The following SHTN1 variants were observed in gnomAD, a reference collection of about 807,000 sequenced individuals.
SHTN1 encodes the protein shootin 1.
Under a neutral mutation model 83.1 loss-of-function variants are expected in SHTN1, and 42 were observed. The ratio of observed to expected loss-of-function variants is 0.51; its 90% confidence interval spans 0.39 to 0.65. The LOEUF (loss-of-function observed/expected upper bound fraction) is 0.65. Among genes scored for constraint, SHTN1 ranks in the 30% least tolerant of loss-of-function variants. SHTN1 has a pLI of 0.00. For missense variants in SHTN1, 622 were observed against 737.8 expected (o/e 0.84, Z 1.82); for synonymous variants, 224 against 247.7 (o/e 0.90, Z 0.90).
At chr10:117,113,567 TACTAGGTA>T (rs62772560) in intron 1 of SHTN1, among the ~76,000 whole-genome samples, 97,865 of 151,402 alleles carry the variant, frequency 0.65, 35,615 homozygotes, top group Middle Eastern at 0.83. Flanking sequence ...TTTTCTACTT[TACTAGGTA>T]ACCATATGCG....
chr10:116,976,346 A>G (rs1850806177), intron 2 of SHTN1, among the ~76,000 whole-genome samples: 1 of 152,210 alleles, frequency 6.6e-6, no homozygotes, highest in Non-Finnish European at 1.5e-5. Flanking sequence ...AAGGAATCAC[A>G]TCCACCGCCG....
At chr10:116,934,195 T>C (rs1330078105) in intron 9 of SHTN1, among the ~76,000 whole-genome samples, 2 of 152,226 alleles carry the variant, frequency 1.3e-5, no homozygotes, top group African/African-American at 2.4e-5. Flanking sequence ...ATTTTGGCTT[T>C]TGTTGCCATT....
chr10:116,931,083 T>C (rs1269130204), intron 9 of SHTN1, among the ~76,000 whole-genome samples: 1 of 150,982 alleles, frequency 6.6e-6, no homozygotes, highest in Non-Finnish European at 1.5e-5. Flanking sequence ...TCAGGTAATA[T>C]TTTAAAAGAC....
At chr10:117,048,355 A>C (rs1735273714) in intron 2 of SHTN1, 1 of 365,672 alleles carries the variant, frequency 2.7e-6, no homozygotes, top group Non-Finnish European at 3.8e-6. Context: ...AGAGAATATA[A>C]CTATGATTAA....
intron 1 of SHTN1, among the ~76,000 whole-genome samples, chr10:117,048,745 T>A (rs952463765): frequency 6.6e-6 from 1 of 152,198 alleles, no homozygotes; most frequent in Non-Finnish European, 1.5e-5. Flanking sequence ...AAAGTAGACA[T>A]TCTTTACTGT....
At chr10:117,024,995 G>A (rs576501880) in intron 2 of SHTN1, among the ~76,000 whole-genome samples, 1 of 152,136 alleles carries the variant, frequency 6.6e-6, no homozygotes, top group Non-Finnish European at 1.5e-5. Flanking sequence ...TGCAAGACCT[G>A]GGACTCGGAT....
At chr10:116,977,760 A>C (rs2133477817) in intron 2 of SHTN1, among the ~76,000 whole-genome samples, 1 of 151,978 alleles carries the variant, frequency 6.6e-6, no homozygotes, top group Middle Eastern at 3.4e-3. Context: ...CTGCAGCTTC[A>C]ACCTTTAGGG....
intron 1 of SHTN1, among the ~76,000 whole-genome samples, chr10:116,981,533 T>C (rs1406210268): frequency 2.6e-5 from 4 of 152,170 alleles, no homozygotes; most frequent in Non-Finnish European, 5.9e-5. Context: ...CTAAAAATAT[T>C]CACTTACACC....
At chr10:117,065,095 G>A (rs927977550) in intron 1 of SHTN1, among the ~76,000 whole-genome samples, 3 of 152,142 alleles carry the variant, frequency 2.0e-5, no homozygotes, top group African/African-American at 4.8e-5. Flanking sequence ...TCATAAGTGG[G>A]AGTTGAACAA....
chr10:117,068,464 G>A (rs11197881), intron 1 of SHTN1, among the ~76,000 whole-genome samples: 249 of 152,192 alleles, frequency 1.6e-3, no homozygotes, highest in Admixed American at 3.1e-3. Flanking sequence ...TGAAGAACAA[G>A]TGGGAAGTGA....
At chr10:117,117,795 G>A (rs1853869645) in intron 1 of SHTN1, among the ~76,000 whole-genome samples, 1 of 152,082 alleles carries the variant, frequency 6.6e-6, no homozygotes, top group South Asian at 2.1e-4. Context: ...CTGAAGAAAG[G>A]ACAGTCTCTT....
chr10:116,959,709 A>G (rs148429870), intron 4 of SHTN1, among the ~76,000 whole-genome samples: 2 of 152,276 alleles, frequency 1.3e-5, no homozygotes, highest in African/African-American at 4.8e-5. Context: ...ATAAATAATC[A>G]CCTGAAATGC....
intron 2 of SHTN1, among the ~76,000 whole-genome samples, chr10:117,012,559 T>C (rs1589895180): frequency 2.0e-5 from 3 of 152,004 alleles, no homozygotes; most frequent in Admixed American, 1.3e-4. Context: ...CTTTTTTTTA[T>C]AAAAAGGAGC....
At chr10:116,976,683 C>A (rs138570969) in intron 2 of SHTN1, among the ~76,000 whole-genome samples, 2 of 152,272 alleles carry the variant, frequency 1.3e-5, no homozygotes, top group East Asian at 3.9e-4. Flanking sequence ...TGCTTTTACT[C>A]ATTCTACACT....
chr10:116,951,774 TGAG>T (rs1849786514), intron 6 of SHTN1, 132 bp downstream of exon 6: 1 of 433,006 alleles, frequency 2.3e-6, no homozygotes, highest in South Asian at 9.4e-5. Context: ...TGTCTGAAAT[TGAG>T]GAGAGAAGAT....
In SHTN1 at chr10:116,992,167, CAAAACAAA is replaced by C. The variant is rs1851461524; in HGVS notation, c.58+12847_58+12854del. 5.3e-5 allele frequency among the ~76,000 whole-genome samples: 8 copies of C among 152,018 alleles called. No individual in the cohort carries two copies. The South Asian group carries it at 1.7e-3, about 32-fold the overall frequency. ...AAAAAACAAACAAAACAAAACGAAA[CAAAACAAA>C]AAAACAAATTCCAAAGGCAAACAGC... On this transcript the variant is annotated intron_variant, in intron 1 of 16. Coordinates refer to ENST00000355371, the MANE Select transcript of SHTN1 (RefSeq NM_001127211.3).
chr10:116,898,518 A>G (rs1221634529), intron 16 of SHTN1, among the ~76,000 whole-genome samples: 1 of 152,166 alleles, frequency 6.6e-6, no homozygotes, highest in African/African-American at 2.4e-5. Flanking sequence ...CTCTTATAGC[A>G]TAAAGGGACA....
intron 1 of SHTN1, among the ~76,000 whole-genome samples, chr10:116,994,310 AAAG>A (rs938750264): frequency 3.9e-5 from 6 of 152,258 alleles, no homozygotes; most frequent in Admixed American, 3.3e-4. Context: ...AAAGTTGAGA[AAAG>A]AGAGCAAGAG....
chr10:116,971,187 G>C (rs889505155), intron 2 of SHTN1, among the ~76,000 whole-genome samples: 1 of 152,090 alleles, frequency 6.6e-6, no homozygotes, highest in East Asian at 1.9e-4. Flanking sequence ...TGTTAAATTA[G>C]CAAATCTGGT....
Sources: allele counts gnomAD v4.1 joint callset (sites outside exome capture counted in the v4.1 genomes callset), GRCh38; gene constraint gnomAD v4.1.1; transcripts MANE v1.5; gene names NCBI Gene and HGNC (gene_info 2026-07-23, HGNC 2026-07-21).